The following UBASH3B variants were observed in gnomAD, a reference collection of about 807,000 sequenced individuals.
UBASH3B encodes ubiquitin associated and SH3 domain containing B.
Under a neutral mutation model 83.4 loss-of-function variants are expected in UBASH3B, and 37 were observed. The ratio of observed to expected loss-of-function variants is 0.44; its 90% CI spans 0.34 to 0.58. The LOEUF (loss-of-function observed/expected upper bound fraction) is 0.58. Among genes scored for constraint, UBASH3B ranks in the 20% least tolerant of loss-of-function variants. The pLI, the probability that UBASH3B is intolerant of heterozygous loss-of-function variation, is 0.01. For missense variants in UBASH3B, 657 were observed against 827.2 expected, an observed-to-expected ratio of 0.79 and a Z score of 2.52; for synonymous variants, 304 against 318.3, an observed-to-expected ratio of 0.96 and a Z score of 0.48.
chr11:122,757,111 C>T (rs1041349028), intron 1 of UBASH3B, among the ~76,000 whole-genome samples: 2 of 152,220 alleles, frequency 1.3e-5, no homozygotes, highest in Admixed American at 6.5e-5. Flanking sequence ...TTTGCCTACA[C>T]GCACATGCAC....
At chr11:122,700,150 C>T (rs1426401225) in intron 1 of UBASH3B, among the ~76,000 whole-genome samples, 1 of 152,150 alleles carries the variant, frequency 6.6e-6, no homozygotes. Flanking sequence ...ATCATTCCCC[C>T]GGGAGCAGCA....
At chr11:122,687,328 G>A (rs1037446465) in intron 1 of UBASH3B, among the ~76,000 whole-genome samples, 2 of 152,216 alleles carry the variant, frequency 1.3e-5, no homozygotes, top group African/African-American at 4.8e-5. Context: ...TTCCAAGTAT[G>A]AAATAGCTGG....
intron 3 of UBASH3B, among the ~76,000 whole-genome samples, chr11:122,778,274 T>C (rs1860777471): frequency 6.6e-6 from 1 of 152,204 alleles, no homozygotes; most frequent in South Asian, 2.1e-4. Context: ...CCATTCACTC[T>C]GAAAATTAAA....
intron 1 of UBASH3B, among the ~76,000 whole-genome samples, chr11:122,667,037 CTTTTT>C (rs148029449): frequency 9.8e-6 from 1 of 101,542 alleles, no homozygotes; most frequent in Non-Finnish European, 1.9e-5. Flanking sequence ...TAATGGCATT[CTTTTT>C]TTTTTTTTTT....
intron 1 of UBASH3B, among the ~76,000 whole-genome samples, chr11:122,688,992 G>T (rs1356889077): frequency 7.8e-6 from 1 of 128,360 alleles, no homozygotes; most frequent in African/African-American, 3.1e-5. Flanking sequence ...GGGGGGGGGG[G>T]TTCCACCATA....
intron 1 of UBASH3B, 76 bp downstream of exon 1, chr11:122,656,286 C>T: frequency 7.9e-7 from 1 of 1,271,190 alleles, no homozygotes; most frequent in East Asian, 3.2e-5. Context: ...TCCGGCTCGC[C>T]TCCCAGCGCC....
At chr11:122,775,204 G>A (rs76451291) in intron 1 of UBASH3B, among the ~76,000 whole-genome samples, 7,883 of 152,324 alleles carry the variant, frequency 0.052, 306 homozygotes, top group Non-Finnish European at 0.083. Context: ...ATGAATGAAT[G>A]AAAGGATGGA....
intron 1 of UBASH3B, among the ~76,000 whole-genome samples, chr11:122,683,198 G>A (rs866920600): frequency 2.0e-5 from 3 of 147,412 alleles, no homozygotes; most frequent in African/African-American, 7.6e-5. Flanking sequence ...GCAGTGAGCC[G>A]CCACTGCACT....
chr11:122,744,376 T>G (rs1861077255), intron 1 of UBASH3B, among the ~76,000 whole-genome samples: 1 of 152,056 alleles, frequency 6.6e-6, no homozygotes, highest in Non-Finnish European at 1.5e-5. Context: ...CGTGTGACTG[T>G]GAGTGGTTGA....
intron 1 of UBASH3B, among the ~76,000 whole-genome samples, chr11:122,744,360 G>T (rs965519317): frequency 5.3e-5 from 8 of 152,160 alleles, no homozygotes; most frequent in Non-Finnish European, 7.4e-5. Context: ...TGTGCATGTG[G>T]GTGAGCGTGT....
intron 1 of UBASH3B, among the ~76,000 whole-genome samples, chr11:122,689,578 G>T (rs559947762): frequency 2.0e-5 from 3 of 152,192 alleles, no homozygotes; most frequent in South Asian, 2.1e-4. Flanking sequence ...AACACATGTG[G>T]AGGTTTTCCC....
In UBASH3B at chr11:122,809,976, G is replaced by A. The variant is rs1861411806; in HGVS notation, c.*90G>A. 1 of 1,461,570 alleles carries A rather than the reference G, an allele frequency of 6.8e-7. No individual in the cohort carries two copies. The highest frequency in any genetic ancestry group is 1.2e-5 in the South Asian group (1 of 80,030). 90.5% of individuals were successfully genotyped at this position (1,461,570 alleles called of 1,614,324 possible). ...TGGGAAAATCCACACCACACTCTAA[G>A]TGGACAGCTCAGAATAATTTAGCAT... On this transcript the variant is annotated 3_prime_UTR_variant, in exon 14 of 14. Transcript: ENST00000284273.
chr11:122,745,338 A>G (rs916792347), intron 1 of UBASH3B, among the ~76,000 whole-genome samples: 1 of 152,186 alleles, frequency 6.6e-6, no homozygotes, highest in African/African-American at 2.4e-5. Flanking sequence ...GGTAGCTGGC[A>G]GGGGTCAGTG....
intron 1 of UBASH3B, among the ~76,000 whole-genome samples, chr11:122,696,238 C>T (rs1863963192): frequency 6.6e-6 from 1 of 151,964 alleles, no homozygotes; most frequent in South Asian, 2.1e-4. Context: ...GCATGAGCTA[C>T]TGCGCCCGGC....
chr11:122,813,048 T>G lies in UBASH3B; in HGVS notation c.*3162T>G, dbSNP rs1035649081. 1 of 152,612 alleles carries G rather than the reference T, an allele frequency of 6.6e-6. No individual in the cohort carries two copies. Among genetic ancestry groups the G allele is most frequent in the Non-Finnish European group, 1.5e-5 (1 of 68,036 alleles). 9.5% of individuals were successfully genotyped at this position (152,612 alleles called of 1,614,324 possible). A position where few individuals can be genotyped will look rare whatever the true frequency, so the allele number is the denominator to read the frequency against. On this transcript the variant is annotated 3_prime_UTR_variant, in exon 14 of 14. Transcript: ENST00000284273. ...TTCTACTTTTTATTTTAATTATACT[T>G]TAACCAAAGAATTATTTTAAAGTAA...
At chr11:122,690,294 C>A (rs186166267) in intron 1 of UBASH3B, among the ~76,000 whole-genome samples, 61 of 107,730 alleles carry the variant, frequency 5.7e-4, no homozygotes, top group Non-Finnish European at 1.1e-3. Flanking sequence ...ATATATATAT[C>A]TCCAATTATA....
intron 1 of UBASH3B, among the ~76,000 whole-genome samples, chr11:122,720,195 G>A (rs568735177): frequency 6.6e-6 from 1 of 152,194 alleles, no homozygotes; most frequent in East Asian, 1.9e-4. Flanking sequence ...TGTCAAATAG[G>A]CATCTCAAAC....
intron 1 of UBASH3B, among the ~76,000 whole-genome samples, chr11:122,752,662 T>C (rs1007582902): frequency 1.3e-5 from 2 of 152,194 alleles, no homozygotes; most frequent in Non-Finnish European, 2.9e-5. Context: ...AGTGGTATTT[T>C]GGCAGAATTA....
intron 1 of UBASH3B, among the ~76,000 whole-genome samples, chr11:122,718,018 T>C (rs1860555735): frequency 1.3e-5 from 2 of 152,102 alleles, no homozygotes; most frequent in Admixed American, 1.3e-4. Context: ...GCCTCCTGGG[T>C]TCAAGAAATT....
Sources: allele counts gnomAD v4.1 joint callset (sites outside exome capture counted in the v4.1 genomes callset), GRCh38; gene constraint gnomAD v4.1.1; transcripts MANE v1.5; gene names NCBI Gene and HGNC (gene_info 2026-07-23, HGNC 2026-07-21).